KCNT2: variants seen among roughly 807,000 people sequenced by gnomAD.
KCNT2 encodes the protein potassium channel subfamily T member 2.
A neutral mutation model predicts 153.8 loss-of-function variants in KCNT2; 67 were observed. That is an observed-to-expected ratio of 0.44 (90% CI 0.36 to 0.53). The LOEUF is 0.53. Ranked by LOEUF, KCNT2 falls within the 20% of genes least tolerant of loss-of-function variation. KCNT2 has a pLI of 0.00. For missense variants in KCNT2, 975 were observed against 1,354.8 expected, an observed-to-expected ratio of 0.72 and a Z score of 4.40; for synonymous variants, 500 against 458.8, an observed-to-expected ratio of 1.09 and a Z score of -1.15.
At chr1:196,535,531 AT>A (rs907453880) in intron 1 of KCNT2, among the ~76,000 whole-genome samples, 22 of 152,208 alleles carry the variant, frequency 1.4e-4, no homozygotes, top group African/African-American at 4.6e-4. Flanking sequence ...TCTCTAAAAC[AT>A]TTTTTAGAAT....
chr1:196,553,754 A>G (rs1194401197), intron 1 of KCNT2, among the ~76,000 whole-genome samples: 1 of 148,526 alleles, frequency 6.7e-6, no homozygotes, highest in African/African-American at 2.5e-5. Flanking sequence ...TTCTTAAAAC[A>G]TTAAAAAAAA....
At chr1:196,439,244 T>C (rs1250606423) in intron 8 of KCNT2, among the ~76,000 whole-genome samples, 1 of 151,984 alleles carries the variant, frequency 6.6e-6, no homozygotes, top group Non-Finnish European at 1.5e-5. Context: ...AGAATTGTTA[T>C]AGGCTGGTAT....
chr1:196,373,172 A>G lies in KCNT2; in HGVS notation c.1371T>C (p.Leu457=), dbSNP rs1200555355. 2.5e-6 allele frequency: 4 copies of G among 1,575,868 alleles called. No homozygotes were observed. Among genetic ancestry groups the G allele is most frequent in the Admixed American group, 1.7e-5 (1 of 59,624 alleles). The part of the protein sequence containing the change: ...LNCICPATST[L]ITLLVHTSRG... ...TAGAGGTATGAACCAGTAGTGTAAT[A>G]AGTGTAGATGTTGCTGGGCATATAC... Residue 457 remains leucine, a synonymous_variant, in exon 14 of 28, where the codon CTT becomes CTC. Transcript: ENST00000294725.
At chr1:196,432,061 G>T (rs1332971807) in intron 8 of KCNT2, among the ~76,000 whole-genome samples, 1 of 152,052 alleles carries the variant, frequency 6.6e-6, no homozygotes, top group Non-Finnish European at 1.5e-5. Flanking sequence ...GGCCTCAAGA[G>T]TCAGCTTTCT....
At chr1:196,281,320 T>C (rs921894961) in intron 24 of KCNT2, among the ~76,000 whole-genome samples, 7 of 152,206 alleles carry the variant, frequency 4.6e-5, no homozygotes, top group African/African-American at 1.7e-4. Flanking sequence ...ATTATATTAG[T>C]TCGTTATCAG....
intron 1 of KCNT2, among the ~76,000 whole-genome samples, chr1:196,561,316 G>C (rs1659353048): frequency 6.6e-6 from 1 of 151,638 alleles, no homozygotes; most frequent in African/African-American, 2.4e-5. Context: ...AAGGAGAAAA[G>C]AGATTAGAGG....
At chr1:196,307,000 T>G (rs1455032182) in intron 21 of KCNT2, among the ~76,000 whole-genome samples, 1 of 152,058 alleles carries the variant, frequency 6.6e-6, no homozygotes, top group African/African-American at 2.4e-5. Context: ...TTCAGGTAAA[T>G]TGTAGTAATT....
At chr1:196,256,414 T>C (rs1656503770) in intron 26 of KCNT2, among the ~76,000 whole-genome samples, 1 of 152,044 alleles carries the variant, frequency 6.6e-6, no homozygotes, top group African/African-American at 2.4e-5. Flanking sequence ...TTCACATTAT[T>C]TAATTTTGGT....
intron 1 of KCNT2, among the ~76,000 whole-genome samples, chr1:196,556,948 A>G (rs1370137651): frequency 6.6e-6 from 1 of 151,276 alleles, no homozygotes; most frequent in Non-Finnish European, 1.5e-5. Flanking sequence ...GAACTCATGG[A>G]GAAAAAGAAT....
intron 26 of KCNT2, chr1:196,257,985 T>A (rs1251359969): frequency 2.6e-5 from 36 of 1,375,932 alleles, no homozygotes; most frequent in Non-Finnish European, 3.4e-5. Flanking sequence ...GCACAGTACC[T>A]AGCAGACTCA....
Position 196,471,049 on chromosome 1 carries a change from CT to C in KCNT2, c.385-1982del, listed in dbSNP as rs1034965658. The stretch of plus-strand genomic sequence containing the variant: ...GCACCCACCACCACGCCCGGCTAAT[CT>C]TTTTTTTATTCTTTTTTTAATTTTT... On this transcript the variant is annotated intron_variant, in intron 5 of 27. Transcript: ENST00000294725. 5.4e-4 allele frequency among the ~76,000 whole-genome samples: 82 copies of C among 150,862 alleles called. 1 individual carries two copies. The highest frequency in any genetic ancestry group is 1.9e-3 in the African/African-American group (79 of 41,164).
At chr1:196,572,648 A>C (rs562849242) in intron 1 of KCNT2, among the ~76,000 whole-genome samples, 2 of 152,184 alleles carry the variant, frequency 1.3e-5, no homozygotes, top group South Asian at 4.1e-4. Flanking sequence ...GGTGATGGAT[A>C]CTATTATTGA....
chr1:196,516,480 C>A (rs1451961799), intron 1 of KCNT2, among the ~76,000 whole-genome samples: 5 of 152,140 alleles, frequency 3.3e-5, no homozygotes, highest in Non-Finnish European at 7.4e-5. Flanking sequence ...AGTCCCAAAC[C>A]TCCCAGGGAC....
chr1:196,327,156 A>G (rs1210105972), intron 18 of KCNT2, among the ~76,000 whole-genome samples: 1 of 152,108 alleles, frequency 6.6e-6, no homozygotes, highest in Non-Finnish European at 1.5e-5. Flanking sequence ...GTTCTATTGT[A>G]AACTAAAGTT....
At chr1:196,384,564 G>A (rs146250985) in intron 13 of KCNT2, among the ~76,000 whole-genome samples, 103 of 152,060 alleles carry the variant, frequency 6.8e-4, no homozygotes, top group African/African-American at 2.5e-3. Context: ...GGGCATGGTG[G>A]TGCACGCTAA....
intron 27 of KCNT2, among the ~76,000 whole-genome samples, chr1:196,232,411 T>C (rs1356044475): frequency 6.6e-6 from 1 of 151,744 alleles, no homozygotes; most frequent in African/African-American, 2.4e-5. Context: ...TTCCTTTTCC[T>C]ATTATTGTCA....
intron 5 of KCNT2, among the ~76,000 whole-genome samples, chr1:196,471,685 A>G (rs948141150): frequency 9.9e-5 from 15 of 152,282 alleles, no homozygotes; most frequent in African/African-American, 3.1e-4. Flanking sequence ...GGCAGATTGT[A>G]TAATTTAGTT....
At chr1:196,286,002 T>C (rs1659619536) in intron 22 of KCNT2, among the ~76,000 whole-genome samples, 2 of 152,122 alleles carry the variant, frequency 1.3e-5, no homozygotes, top group African/African-American at 2.4e-5. Flanking sequence ...AAGCATGTAT[T>C]TACTCTTCAT....
At chr1:196,576,775 T>C (rs1661431268) in intron 1 of KCNT2, among the ~76,000 whole-genome samples, 1 of 152,112 alleles carries the variant, frequency 6.6e-6, no homozygotes, top group African/African-American at 2.4e-5. Context: ...TAGGCAGTGT[T>C]GGTTTTGAAG....
Sources: gnomAD v4.1 joint callset for allele counts (sites outside exome capture counted in the v4.1 genomes callset) on GRCh38, gnomAD v4.1.1 for gene constraint, MANE v1.5 for transcripts, NCBI Gene and HGNC (gene_info 2026-07-23, HGNC 2026-07-21) for gene names.